Variants in TENT4B observed in about 807,000 individuals in gnomAD.
TENT4B encodes terminal nucleotidyltransferase 4B.
A neutral mutation model predicts 75.0 loss-of-function variants in TENT4B; 10 were observed. The ratio of observed to expected loss-of-function variants is 0.13; its 90% confidence interval spans 0.08 to 0.23. The LOEUF is 0.23. TENT4B is among the 10% of genes least tolerant of loss of function. The pLI is 1.00. For synonymous variants in TENT4B, 350 were observed against 357.7 expected, an observed-to-expected ratio of 0.98 and a Z score of 0.24; for missense variants, 579 against 893.8, an observed-to-expected ratio of 0.65 and a Z score of 4.49.
At chr16:50,157,399 T>C (rs1397546727) in intron 1 of TENT4B, among the ~76,000 whole-genome samples, 1 of 152,240 alleles carries the variant, frequency 6.6e-6, no homozygotes, top group East Asian at 1.9e-4. Flanking sequence ...TGTTTAACTT[T>C]CCTTTTATTA....
chr16:50,211,528 G>A (rs2031278460), intron 2 of TENT4B, 82 bp downstream of exon 2: 4 of 1,403,798 alleles, frequency 2.8e-6, no homozygotes, highest in Non-Finnish European at 3.7e-6. Context: ...TCTCATGCTA[G>A]TCCTCACATG....
chr16:50,155,269 G>A (rs996473201), intron 1 of TENT4B, among the ~76,000 whole-genome samples: 3 of 116,708 alleles, frequency 2.6e-5, no homozygotes, highest in African/African-American at 1.0e-4. Context: ...TTTGGGTCTC[G>A]TGGGTGTGTG....
At chr16:50,224,857 C>A in intron 8 of TENT4B, 34 bp from the exon 9 acceptor site, 12 of 1,609,968 alleles carry the variant, frequency 7.5e-6, no homozygotes, top group Non-Finnish European at 1.0e-5. Flanking sequence ...TAATGTTATT[C>A]CCTCCCTCTC....
rs927670660 is a variant in TENT4B at position 50,201,539 on chromosome 16, GA to G, written c.639-9773del. Among the ~76,000 whole-genome samples the G allele has an allele frequency of 4.7e-4, 67 of 143,626 alleles. No individual in the cohort carries two copies. In the East Asian group the frequency reaches 8.2e-3, roughly 18 times the overall value. The allele number at this position is 143,626 out of a possible 152,430, so 94.2% of individuals were successfully genotyped here. A position where few individuals can be genotyped will look rare whatever the true frequency, so the allele number is the denominator to read the frequency against. On this transcript the variant is annotated intron_variant, in intron 1 of 11. Transcript: ENST00000561678. Reference sequence around the variant, plus strand: ...GCGATAGAGCAAGACTCTGTCTCAAGAAAAAAAAAAATGCCAGCAGTGGCTG... The same window carrying G: ...GCGATAGAGCAAGACTCTGTCTCAAGAAAAAAAAAATGCCAGCAGTGGCTG...
intron 1 of TENT4B, among the ~76,000 whole-genome samples, chr16:50,164,465 T>A (rs934775140): frequency 6.6e-6 from 1 of 151,844 alleles, no homozygotes; most frequent in Non-Finnish European, 1.5e-5. Flanking sequence ...CCCACCACCA[T>A]ACCTGGCTAA....
intron 1 of TENT4B, among the ~76,000 whole-genome samples, chr16:50,198,436 AGAAAAG>A (rs2030422456): frequency 6.7e-6 from 1 of 150,190 alleles, no homozygotes; most frequent in Non-Finnish European, 1.5e-5. Context: ...AAAAAAAAGA[AGAAAAG>A]GAAAGGAAAG....
upstream of TENT4B, chr16:50,152,932 G>A (rs1027154104): frequency 4.7e-6 from 7 of 1,499,624 alleles, no homozygotes; most frequent in Admixed American, 1.5e-4. Context: ...CGCGCTCCCT[G>A]CGGGGCGGGC....
At chr16:50,207,958 C>T (rs2031073224) in intron 1 of TENT4B, among the ~76,000 whole-genome samples, 1 of 152,204 alleles carries the variant, frequency 6.6e-6, no homozygotes, top group African/African-American at 2.4e-5. Flanking sequence ...ATTTTAAAAT[C>T]TGTACTTGAA....
In TENT4B at chr16:50,222,413, A is replaced by T; in HGVS notation, c.1146A>T (p.Leu382Phe). The stretch of plus-strand genomic sequence containing the variant: ...GAATTGGTTCTTATAGTCTCTTTTT[A>T]ATGGCAGTCAGTTTCCTTCAGGTAA... ...TGGIGSYSLF[L>F]MAVSFLQLHP... The change falls in exon 6 of 12, where the codon TTA becomes TTT. Residue 382 changes from leucine to phenylalanine, a missense_variant. Leu to Phe is a conservative substitution (Grantham distance 22, BLOSUM62 0). Around this residue, in one of 7 missense-constraint regions of TENT4B, gnomAD observed 71 missense variants for 210.6 expected, o/e 0.34. Coordinates refer to ENST00000561678, the MANE Select transcript of TENT4B (RefSeq NM_001365324.3). The T allele has an allele frequency of 6.2e-7, 1 of 1,613,446 alleles. No homozygotes were observed. The highest frequency in any genetic ancestry group is 8.5e-7 in the Non-Finnish European group (1 of 1,179,648).
intron 1 of TENT4B, among the ~76,000 whole-genome samples, chr16:50,174,756 T>G (rs1379466209): frequency 6.7e-6 from 1 of 149,078 alleles, no homozygotes; most frequent in Non-Finnish European, 1.5e-5. Context: ...TTTTTTTTTT[T>G]TTTTTTTGAT....
Position 50,229,578 on chromosome 16 carries a change from T to C in TENT4B, c.*250T>C. 1 of 1,207,968 alleles carries C rather than the reference T, an allele frequency of 8.3e-7. No individual in the cohort carries two copies. The highest frequency in any genetic ancestry group is 1.0e-6 in the Non-Finnish European group (1 of 974,274). 74.8% of individuals were successfully genotyped at this position (1,207,968 alleles called of 1,614,324 possible). On this transcript the variant is annotated 3_prime_UTR_variant, in exon 12 of 12. Coordinates refer to ENST00000561678, the MANE Select transcript of TENT4B (RefSeq NM_001365324.3). The stretch of plus-strand genomic sequence containing the variant: ...GCTGCTTATTTGATAAGTCATATGC[T>C]ACAACAGGGTCATTTTAAGATTTAA...
At chr16:50,205,359 A>AT (rs1290565889) in intron 1 of TENT4B, among the ~76,000 whole-genome samples, 1 of 152,040 alleles carries the variant, frequency 6.6e-6, no homozygotes, top group African/African-American at 2.4e-5. Flanking sequence ...ATACATGCTG[A>AT]TTTTTTAAAA....
At position 50,213,104 on chromosome 16, in the gene TENT4B, G is replaced by C. The variant is rs146681537; in HGVS notation, c.763-1117G>C. Among the ~76,000 whole-genome samples the C allele has an allele frequency of 6.3e-4, 95 of 151,924 alleles. No homozygotes were observed. The East Asian group carries it at 0.017, about 27-fold the overall frequency. On this transcript the variant is annotated intron_variant, in intron 2 of 11. Transcript: ENST00000561678. ...AGATGGAGTCTCGCTCTGTCGCCCA[G>C]GCTGGAGTGCAGTGACATGATCTCA...
chr16:50,180,496 C>T (rs1597241308), intron 1 of TENT4B, among the ~76,000 whole-genome samples: 1 of 152,120 alleles, frequency 6.6e-6, no homozygotes, highest in South Asian at 2.1e-4. Flanking sequence ...CACTTGAGGC[C>T]AGGAGTTCAA....
intron 4 of TENT4B, among the ~76,000 whole-genome samples, chr16:50,217,344 C>G (rs540902125): frequency 3.3e-5 from 5 of 152,144 alleles, no homozygotes; most frequent in African/African-American, 9.6e-5. Context: ...AGAAATTATA[C>G]TGTAATATAC....
At chr16:50,221,271 A>C (rs1379109099) in intron 5 of TENT4B, among the ~76,000 whole-genome samples, 1 of 152,184 alleles carries the variant, frequency 6.6e-6, no homozygotes, top group East Asian at 1.9e-4. Flanking sequence ...AATCACTAGT[A>C]ATTTTACCAC....
intron 1 of TENT4B, among the ~76,000 whole-genome samples, chr16:50,200,769 TG>T (rs1240696420): frequency 6.6e-6 from 1 of 152,054 alleles, no homozygotes; most frequent in African/African-American, 2.4e-5. Flanking sequence ...TTTGAATACC[TG>T]CCTTTTGCTT....
chr16:50,220,484 A>C (rs145325980), intron 5 of TENT4B, among the ~76,000 whole-genome samples: 1 of 151,800 alleles, frequency 6.6e-6, no homozygotes, highest in Non-Finnish European at 1.5e-5. Context: ...CTGACCCCTA[A>C]TTGTTCTTTG....
intron 1 of TENT4B, among the ~76,000 whole-genome samples, chr16:50,180,676 T>G (rs1292821952): frequency 3.4e-5 from 5 of 147,098 alleles, no homozygotes; most frequent in African/African-American, 1.0e-4. Context: ...GCCCCTGCAC[T>G]CCAGCCTGGG....
Sources: allele counts gnomAD v4.1 joint callset (sites outside exome capture counted in the v4.1 genomes callset), GRCh38; gene constraint gnomAD v4.1.1; regional missense constraint gnomAD v4.1.1; transcripts MANE v1.5; gene names NCBI Gene and HGNC (gene_info 2026-07-23, HGNC 2026-07-21).